Variants in METTL21A observed in about 807,000 individuals in gnomAD.
METTL21A encodes methyltransferase 21A, HSPA lysine.
A neutral mutation model predicts 20.9 loss-of-function variants in METTL21A; 22 were observed. The observed-to-expected ratio is 1.05, with a 90% CI of 0.75 to 1.50. The LOEUF (loss-of-function observed/expected upper bound fraction) is 1.50. Among genes scored for constraint, METTL21A ranks in the 40% most tolerant of loss-of-function variants. METTL21A has a pLI of 0.00. For synonymous variants in METTL21A, 93 were observed against 102.0 expected (o/e 0.91, Z 0.53); for missense variants, 271 against 266.8 (o/e 1.02, Z -0.11).
At chr2:207,581,910 T>G (rs570510061) in exon 4 of METTL21A, 108 of 702,906 alleles carry the variant, frequency 1.5e-4, no homozygotes, top group Non-Finnish European at 2.6e-4. Flanking sequence ...CTGTTTTCTT[T>G]TAGAATATCC....
In METTL21A at chr2:207,602,705, T is replaced by C. The variant is rs186586133; in HGVS notation, c.259+19101A>G. On this transcript the variant is annotated intron_variant, in intron 3 of 3. Transcript: ENST00000425132. ...AATTGGTAAATGCTTTATAGATGTA[T>C]TTTTATCCAAGTGCCACTCCAATTT... The C allele has an allele frequency of 1.4e-3, 287 of 210,582 alleles. 2 individuals carry two copies. The highest frequency in any genetic ancestry group is 6.1e-3 in the Middle Eastern group (4 of 654). The allele number at this position is 210,582 out of a possible 1,614,324, so 13.0% of individuals were successfully genotyped here.
intron 3 of METTL21A, among the ~76,000 whole-genome samples, chr2:207,593,349 G>A (rs2085452660): frequency 6.6e-6 from 1 of 152,140 alleles, no homozygotes; most frequent in Non-Finnish European, 1.5e-5. Context: ...AACATAGGAA[G>A]ACACTGTCTC....
chr2:207,583,043 A>G (rs934057264), intron 3 of METTL21A, among the ~76,000 whole-genome samples: 1 of 152,110 alleles, frequency 6.6e-6, no homozygotes, highest in Non-Finnish European at 1.5e-5. Context: ...GTAACAATAT[A>G]ACAATTTTTT....
Position 207,598,069 on chromosome 2 carries a change from A to G in METTL21A, c.260-15909T>C, listed in dbSNP as rs567189493. On this transcript the variant is annotated intron_variant, in intron 3 of 3. Coordinates refer to the METTL21A transcript ENST00000425132. ...TCAAGATGTCAAATAAAGCAAAGTG[A>G]TATATATTTGTTTATGAAATGTTAC... The G allele has an allele frequency of 1.7e-5, 3 of 181,136 alleles. No individual in the cohort carries two copies. In the South Asian group the frequency reaches 5.9e-4, roughly 36 times the overall value. 11.2% of individuals were successfully genotyped at this position (181,136 alleles called of 1,614,324 possible). A position where few individuals can be genotyped will look rare whatever the true frequency, so the allele number is the denominator to read the frequency against.
At chr2:207,609,603 T>C (rs2088632542), downstream of METTL21A, 1 of 152,140 alleles carries the variant, frequency 6.6e-6, no homozygotes, top group Non-Finnish European at 1.5e-5. Flanking sequence ...AGCTTATATG[T>C]AGGAAGCTAA....
chr2:207,593,591 G>A (rs1471809951), intron 3 of METTL21A, among the ~76,000 whole-genome samples: 1 of 151,754 alleles, frequency 6.6e-6, no homozygotes, highest in Non-Finnish European at 1.5e-5. Flanking sequence ...TGAGGATGAA[G>A]ACATCAATGG....
chr2:207,621,040 G>A (rs1325689409), intron 3 of METTL21A, among the ~76,000 whole-genome samples: 1 of 152,108 alleles, frequency 6.6e-6, no homozygotes, highest in African/African-American at 2.4e-5. Flanking sequence ...ATCAGAATCT[G>A]CATTTTAACA....
downstream of METTL21A, among the ~76,000 whole-genome samples, chr2:207,604,753 C>T (rs78913180): frequency 6.6e-6 from 1 of 152,290 alleles, no homozygotes; most frequent in East Asian, 1.9e-4. Context: ...CCTCCCACCG[C>T]CCTTGTCCCT....
chr2:207,623,531 G>A lies in METTL21A; in HGVS notation c.147+698C>T, dbSNP rs143024912. ...ACACATAATCTCCATTTTGGGCTCTGCCACTTTACAATACTCTGTGAAATA... is the reference window on the plus strand; with the variant it reads ...ACACATAATCTCCATTTTGGGCTCTACCACTTTACAATACTCTGTGAAATA... On this transcript the variant is annotated intron_variant, in intron 2 of 3. Transcript: ENST00000406927. 2.1e-3 allele frequency among the ~76,000 whole-genome samples: 313 copies of A among 152,286 alleles called. 1 individual carries two copies. Among genetic ancestry groups the A allele is most frequent in the African/African-American group, 7.2e-3 (299 of 41,558 alleles).
At chr2:207,602,011 TATC>T (rs1485897516) in intron 3 of METTL21A, 4 of 206,046 alleles carry the variant, frequency 1.9e-5, no homozygotes, top group South Asian at 1.9e-4. Context: ...GGGCTGAACA[TATC>T]ATGAAGCTGA....
chr2:207,601,635 C>G (rs2087070255), intron 3 of METTL21A: 1 of 210,300 alleles, frequency 4.8e-6, no homozygotes, highest in Non-Finnish European at 9.6e-6. Context: ...ATTAATTTGT[C>G]TAGAATAGTA....
intron 3 of METTL21A, among the ~76,000 whole-genome samples, chr2:207,584,142 A>T (rs748278884): frequency 6.6e-6 from 1 of 152,238 alleles, no homozygotes; most frequent in Non-Finnish European, 1.5e-5. Context: ...TTTTTATATG[A>T]ACTTTCCATT....
At chr2:207,625,313 C>G (rs761524650) in exon 1 of METTL21A, 17 of 152,080 alleles carry the variant, frequency 1.1e-4, no homozygotes. Flanking sequence ...TTTCCCCGCC[C>G]CGGGCTGGCT....
chr2:207,591,621 CG>C (rs1196809085), intron 3 of METTL21A, among the ~76,000 whole-genome samples: 1 of 152,036 alleles, frequency 6.6e-6, no homozygotes, highest in Non-Finnish European at 1.5e-5. Flanking sequence ...TTAGTAGAGA[CG>C]GGGTTTCGCC....
chr2:207,599,508 T>C (rs986997601), intron 3 of METTL21A: 1 of 195,408 alleles, frequency 5.1e-6, no homozygotes, highest in Non-Finnish European at 1.1e-5. Context: ...TCATGTGAGC[T>C]GGATGAATTT....
intron 3 of METTL21A, chr2:207,602,488 A>G (rs1346760141): frequency 4.9e-6 from 1 of 204,084 alleles, no homozygotes; most frequent in African/African-American, 2.3e-5. Flanking sequence ...ACCTAACATT[A>G]CTTGCCTATA....
chr2:207,606,540 G>GTTTA, downstream of METTL21A, among the ~76,000 whole-genome samples: 1 of 152,198 alleles, frequency 6.6e-6, no homozygotes, highest in East Asian at 1.9e-4. Context: ...GTGTCATGCT[G>GTTTA]TTTATGTCAG....
chr2:207,618,122 T>C (rs1012724384), intron 3 of METTL21A, among the ~76,000 whole-genome samples: 1 of 152,194 alleles, frequency 6.6e-6, no homozygotes, highest in Non-Finnish European at 1.5e-5. Context: ...TTCCTCAGCA[T>C]TATATTTCAA....
intron 3 of METTL21A, chr2:207,582,271 T>G (rs1364804214): frequency 7.7e-6 from 5 of 649,830 alleles, no homozygotes; most frequent in African/African-American, 1.8e-5. Context: ...TTCTTTTCTC[T>G]TTAAAGTTTT....
Sources: allele counts gnomAD v4.1 joint callset (sites outside exome capture counted in the v4.1 genomes callset), GRCh38; gene constraint gnomAD v4.1.1; transcripts MANE v1.5; gene names NCBI Gene and HGNC (gene_info 2026-07-23, HGNC 2026-07-21).